Variants in TENT4A observed in about 807,000 individuals in gnomAD.
TENT4A encodes the protein terminal nucleotidyltransferase 4A.
TENT4A carries 7 observed loss-of-function variants against 72.8 expected under a neutral mutation model. The observed-to-expected ratio is 0.10, with a 90% CI of 0.05 to 0.18. The LOEUF (loss-of-function observed/expected upper bound fraction) is 0.18. Among genes scored for constraint, TENT4A ranks in the 10% least tolerant of loss-of-function variants. TENT4A has a pLI of 1.00. For missense variants in TENT4A, 831 were observed against 1,017.7 expected (o/e 0.82, Z 2.50); for synonymous variants, 456 against 434.3 (o/e 1.05, Z -0.62).
At chr5:6,751,566 C>T (rs1742409957) in intron 11 of TENT4A, 1 of 190,650 alleles carries the variant, frequency 5.2e-6, no homozygotes, top group African/African-American at 2.3e-5. Flanking sequence ...ACACTTGTCC[C>T]TACTTCCTCT....
intron 6 of TENT4A, among the ~76,000 whole-genome samples, chr5:6,745,406 C>T (rs143689238): frequency 3.4e-4 from 52 of 152,262 alleles, no homozygotes; most frequent in African/African-American, 1.1e-3. Flanking sequence ...TGGCACTGTC[C>T]GATAGAATTC....
At chr5:6,753,669 G>C (rs544627393) in intron 12 of TENT4A, among the ~76,000 whole-genome samples, 1 of 152,336 alleles carries the variant, frequency 6.6e-6, no homozygotes, top group South Asian at 2.1e-4. Flanking sequence ...GATGTTCCTT[G>C]GGCTCTGCGG....
chr5:6,717,960 G>A (rs576455373), intron 1 of TENT4A, among the ~76,000 whole-genome samples: 32 of 152,340 alleles, frequency 2.1e-4, no homozygotes, highest in Admixed American at 1.3e-3. Flanking sequence ...CAGAGACCCA[G>A]GAAGAATGTA....
At chr5:6,722,248 G>A (rs1740689279) in intron 1 of TENT4A, among the ~76,000 whole-genome samples, 1 of 152,194 alleles carries the variant, frequency 6.6e-6, no homozygotes, top group Admixed American at 6.5e-5. Context: ...AGCACTCTGT[G>A]AGTTGTCATG....
rs1740259955 is a variant in TENT4A, at chr5:6,714,524, C to T, written c.541C>T (p.His181Tyr). ...CGCGCCCGCCGGCTCCCCGTCGCAG[C>T]ACCAGTTCCACCCGGGTCGCCGGAA... ...GPAPAGSPSQ[H>Y]QFHPGRRKRE... The change falls in exon 1 of 13, where the codon CAC becomes TAC. Residue 181 changes from histidine (H) to tyrosine (Y), a missense_variant. Coordinates refer to ENST00000230859, the MANE Select transcript of TENT4A (RefSeq NM_006999.6). The T allele has an allele frequency of 1.7e-6, 2 of 1,193,038 alleles. No homozygotes were observed. The highest frequency in any genetic ancestry group is 1.6e-5 in the African/African-American group (1 of 62,690). The allele number at this position is 1,193,038 out of a possible 1,614,324, so 73.9% of individuals were successfully genotyped here. A position where few individuals can be genotyped will look rare whatever the true frequency, so the allele number is the denominator to read the frequency against.
intron 6 of TENT4A, chr5:6,745,868 G>A (rs911814114): frequency 5.0e-6 from 2 of 396,078 alleles, no homozygotes; most frequent in African/African-American, 4.3e-5. Flanking sequence ...ACGAGAATCT[G>A]AAATTACATC....
At chr5:6,754,602 G>T in intron 12 of TENT4A, 149 bp from the exon 13 acceptor site, 2 of 485,386 alleles carry the variant, frequency 4.1e-6, no homozygotes, top group Non-Finnish European at 7.2e-6. Context: ...TTTTCTCTCA[G>T]ATGGAGGAGT....
chr5:6,733,107 A>G (rs538736602), intron 1 of TENT4A, among the ~76,000 whole-genome samples: 1 of 152,356 alleles, frequency 6.6e-6, no homozygotes, highest in Admixed American at 6.5e-5. Flanking sequence ...GATGTGTATC[A>G]TATAGGAGTT....
intron 1 of TENT4A, among the ~76,000 whole-genome samples, chr5:6,727,642 C>T (rs1371413187): frequency 6.6e-6 from 1 of 152,220 alleles, no homozygotes; most frequent in Non-Finnish European, 1.5e-5. Context: ...TTTCCCATCT[C>T]AGCCTCAGTA....
chr5:6,737,761 AGTGT>A, intron 2 of TENT4A, 128 bp downstream of exon 2: 6 of 1,090,056 alleles, frequency 5.5e-6, no homozygotes, highest in East Asian at 2.7e-5. Flanking sequence ...CAGTTCTCCA[AGTGT>A]GCTTTGAGAA....
intron 1 of TENT4A, 75 bp downstream of exon 1, chr5:6,714,774 G>C (rs1402967125): frequency 1.2e-5 from 10 of 828,010 alleles, no homozygotes; most frequent in African/African-American, 1.8e-5. Flanking sequence ...GCAGACACCC[G>C]TCCCAGGCGC....
At position 6,756,191 on chromosome 5, in the gene TENT4A, A is replaced by G. The variant is rs1268298138; in HGVS notation, c.*1246A>G. ...CGCCCGACGTCGGAAGCATACAGGT[A>G]TACTATGCAAGTGTATTCTGCCACA... On this transcript the variant is annotated 3_prime_UTR_variant, in exon 13 of 13. Coordinates refer to ENST00000230859, the MANE Select transcript of TENT4A (RefSeq NM_006999.6). 1.3e-5 allele frequency: 2 copies of G among 152,648 alleles called. No homozygotes were observed. Among genetic ancestry groups the G allele is most frequent in the Non-Finnish European group, 2.9e-5 (2 of 68,054 alleles). 9.5% of individuals were successfully genotyped at this position (152,648 alleles called of 1,614,324 possible).
At chr5:6,724,868 C>A (rs1346420847) in intron 1 of TENT4A, among the ~76,000 whole-genome samples, 2 of 152,202 alleles carry the variant, frequency 1.3e-5, no homozygotes, top group African/African-American at 4.8e-5. Context: ...TCCTGCCACC[C>A]TCCTGGGAGA....
intron 1 of TENT4A, among the ~76,000 whole-genome samples, chr5:6,734,133 G>T (rs1305711247): frequency 6.6e-6 from 1 of 152,238 alleles, no homozygotes; most frequent in Non-Finnish European, 1.5e-5. Context: ...GCAGTGCGCT[G>T]TTGCGTCCAT....
intron 1 of TENT4A, among the ~76,000 whole-genome samples, chr5:6,731,328 A>C (rs561522462): frequency 6.6e-6 from 1 of 152,326 alleles, no homozygotes; most frequent in South Asian, 2.1e-4. Context: ...TGGGAACTGA[A>C]CTCACATGCA....
At chr5:6,719,855 T>G (rs796423832) in intron 1 of TENT4A, among the ~76,000 whole-genome samples, 5 of 152,228 alleles carry the variant, frequency 3.3e-5, no homozygotes, top group Non-Finnish European at 7.3e-5. Flanking sequence ...CACTCACTTA[T>G]GGTCTTAAGG....
chr5:6,727,498 C>G (rs527383983), intron 1 of TENT4A, among the ~76,000 whole-genome samples: 2 of 152,328 alleles, frequency 1.3e-5, no homozygotes, highest in African/African-American at 4.8e-5. Context: ...CAGGCCTGGT[C>G]TTAGACTCCG....
At chr5:6,738,295 G>A (rs917198859) in intron 2 of TENT4A, among the ~76,000 whole-genome samples, 7 of 152,114 alleles carry the variant, frequency 4.6e-5, no homozygotes, top group South Asian at 2.1e-4. Context: ...AGTTTTCTGC[G>A]CCTCTTTTAA....
At chr5:6,726,690 A>G (rs1740939980) in intron 1 of TENT4A, among the ~76,000 whole-genome samples, 1 of 152,154 alleles carries the variant, frequency 6.6e-6, no homozygotes, top group South Asian at 2.1e-4. Flanking sequence ...TCCTTGCTTC[A>G]GAACCCACGT....
Sources: gnomAD v4.1 joint callset for allele counts (sites outside exome capture counted in the v4.1 genomes callset) on GRCh38, gnomAD v4.1.1 for gene constraint, MANE v1.5 for transcripts, NCBI Gene and HGNC (gene_info 2026-07-23, HGNC 2026-07-21) for gene names.